TBCK: variants seen among roughly 807,000 people sequenced by gnomAD.
The protein encoded by TBCK is TBC domain-containing protein kinase-like protein.
A neutral mutation model predicts 113.4 loss-of-function variants in TBCK; 99 were observed. That is an observed-to-expected ratio of 0.87 (90% CI 0.74 to 1.03). The LOEUF (loss-of-function observed/expected upper bound fraction) is 1.03. TBCK is among the 50% of genes least tolerant of loss of function. TBCK has a pLI of 0.00. For missense variants in TBCK, 1,045 were observed against 1,061.3 expected, an observed-to-expected ratio of 0.98 and a Z score of 0.21; for synonymous variants, 369 against 370.8, an observed-to-expected ratio of 1.00 and a Z score of 0.05.
At chr4:106,300,631 G>A (rs1408551213) in intron 2 of TBCK, among the ~76,000 whole-genome samples, 1 of 152,208 alleles carries the variant, frequency 6.6e-6, no homozygotes, top group Non-Finnish European at 1.5e-5. Flanking sequence ...GTGATGGTCA[G>A]TTTTATGAGT....
intron 25 of TBCK, among the ~76,000 whole-genome samples, chr4:106,055,685 TG>T (rs1420546265): frequency 6.6e-6 from 1 of 151,644 alleles, no homozygotes; most frequent in African/African-American, 2.4e-5. Flanking sequence ...ACTAATCACT[TG>T]CACTTATGCA....
At chr4:106,153,419 ATAT>A (rs1218947043) in intron 23 of TBCK, among the ~76,000 whole-genome samples, 2 of 151,986 alleles carry the variant, frequency 1.3e-5, no homozygotes, top group Non-Finnish European at 2.9e-5. Context: ...AACATGCTTG[ATAT>A]TATTTCGATT....
rs1456425612 is a variant in TBCK at position 106,242,451 on chromosome 4, G to C, written c.1170+19C>G. The C allele has an allele frequency of 1.3e-6, 2 of 1,570,128 alleles. No individual in the cohort carries two copies. The highest frequency in any genetic ancestry group is 1.7e-6 in the Non-Finnish European group (2 of 1,155,776). ...AAAGAAAAAAACCTAAAGCAGAACT[G>C]TCAAAATATCTTTCTTACATTTCTT... is the stretch of plus-strand genomic sequence containing the variant. On this transcript the variant is annotated intron_variant, in intron 12 of 25. Transcript: ENST00000394708.
At chr4:106,264,688 C>G (rs1197497824) in intron 3 of TBCK, among the ~76,000 whole-genome samples, 4 of 151,918 alleles carry the variant, frequency 2.6e-5, no homozygotes, top group Admixed American at 6.6e-5. Context: ...TCTCAGTCAT[C>G]AAGATTTAAC....
At chr4:106,260,356 A>G (rs1396479327) in intron 5 of TBCK, 81 bp downstream of exon 5, 4 of 548,890 alleles carry the variant, frequency 7.3e-6, no homozygotes, top group African/African-American at 5.9e-5. Context: ...AGGAATATCA[A>G]ATATAATTAA....
intron 24 of TBCK, 58 bp from the exon 25 acceptor site, chr4:106,095,699 G>C (rs1740821998): frequency 6.7e-7 from 1 of 1,500,078 alleles, no homozygotes; most frequent in Non-Finnish European, 9.1e-7. Context: ...GTGTCTGAGG[G>C]AAACTCACAG....
rs567692244 is a variant in TBCK, at chr4:106,138,125, C to T, written c.2236-21747G>A. Among the ~76,000 whole-genome samples the T allele has an allele frequency of 1.1e-4, 15 of 140,968 alleles. 2 individuals are homozygous for T. The South Asian group carries it at 3.6e-3, about 34-fold the overall frequency. The allele number at this position is 140,968 out of a possible 152,430, so 92.5% of individuals were successfully genotyped here. On this transcript the variant is annotated intron_variant, in intron 23 of 25. Coordinates refer to ENST00000394708, the MANE Select transcript of TBCK (RefSeq NM_001163435.3). ...TTTTTTAATATGGAAAACCAAATGT[C>T]GCAGAACCATTACTGAATATCAATT... is the stretch of plus-strand genomic sequence containing the variant.
chr4:106,214,480 G>C (rs1756607448), intron 19 of TBCK, among the ~76,000 whole-genome samples: 2 of 150,598 alleles, frequency 1.3e-5, no homozygotes, highest in Admixed American at 1.3e-4. Flanking sequence ...AAATTTAGAA[G>C]AATGTATAAC....
In TBCK at chr4:106,046,591, G is replaced by A; in HGVS notation, c.2661C>T (p.Thr887=). ...INKIKPTGLL[T]IPSPQI is the part of the protein sequence containing the mutation. ...TTCTTCATATTTGAGGAGATGGGAT[G>A]GTGAGGAGGCCTGTTGGCTTTATTT... is the stretch of plus-strand genomic sequence containing the variant. The change falls in exon 26 of 26, where the codon ACC becomes ACT. Residue 887 remains threonine (T), a synonymous_variant. Coordinates refer to ENST00000394708, the MANE Select transcript of TBCK (RefSeq NM_001163435.3). 6.2e-7 allele frequency: 1 copy of A among 1,604,466 alleles called. No individual in the cohort carries two copies. Among genetic ancestry groups the A allele is most frequent in the Non-Finnish European group, 8.5e-7 (1 of 1,171,486 alleles).
intron 22 of TBCK, among the ~76,000 whole-genome samples, chr4:106,190,858 A>C (rs1753584674): frequency 6.6e-6 from 1 of 151,976 alleles, no homozygotes; most frequent in Non-Finnish European, 1.5e-5. Flanking sequence ...CTCCTGCCTC[A>C]GCCTCCCAAC....
chr4:106,120,413 T>C (rs1744170259), intron 23 of TBCK, among the ~76,000 whole-genome samples: 1 of 152,136 alleles, frequency 6.6e-6, no homozygotes, highest in African/African-American at 2.4e-5. Context: ...TTGCCCAGGC[T>C]TGCTTAGGTA....
Position 106,256,590 on chromosome 4 carries a change from C to T in TBCK, c.455+3847G>A, listed in dbSNP as rs72660508. 2.5e-3 allele frequency among the ~76,000 whole-genome samples: 382 copies of T among 152,300 alleles called. 1 individual carries two copies. The highest frequency in any genetic ancestry group is 4.7e-3 in the Non-Finnish European group (323 of 68,002). ...TACAGCTGCACCTGGGAGAGCAGGG[C>T]TCCTGCCTGCTTCCGGCCCCCAAGA... On this transcript the variant is annotated intron_variant, in intron 5 of 25. Coordinates refer to ENST00000394708, the MANE Select transcript of TBCK (RefSeq NM_001163435.3).
At chr4:106,238,481 G>T (rs989368293) in intron 12 of TBCK, 2 of 152,052 alleles carry the variant, frequency 1.3e-5, no homozygotes, top group African/African-American at 4.8e-5. Context: ...ACCATAATGG[G>T]ATAAGGGTTT....
chr4:106,234,165 C>T (rs1393186455), intron 15 of TBCK, among the ~76,000 whole-genome samples: 1 of 151,950 alleles, frequency 6.6e-6, no homozygotes, highest in African/African-American at 2.4e-5. Flanking sequence ...AGAGAAAGAG[C>T]CAGGAAGTAG....
chr4:106,306,626 A>T (rs1446652079), intron 2 of TBCK, among the ~76,000 whole-genome samples: 1 of 152,156 alleles, frequency 6.6e-6, no homozygotes, highest in East Asian at 1.9e-4. Context: ...CCAAGGTATT[A>T]TAACCCCAGT....
At position 106,045,719 on chromosome 4, in the gene TBCK, C is replaced by T. The variant is rs961380883; in HGVS notation, c.*851G>A. On this transcript the variant is annotated 3_prime_UTR_variant, in exon 26 of 26. Transcript: ENST00000394708. Reference sequence around the variant, plus strand: ...GTTCCTTCTTTTCTCTTCATCCCCTCCCTCCTTCCCTCATTCTCTTCCTTC... The same window carrying T: ...GTTCCTTCTTTTCTCTTCATCCCCTTCCTCCTTCCCTCATTCTCTTCCTTC... 3 of 152,270 alleles carry T rather than the reference C, an allele frequency of 2.0e-5. No individual in the cohort carries two copies. The highest frequency in any genetic ancestry group is 2.1e-4 in the South Asian group (1 of 4,822). The allele number at this position is 152,270 out of a possible 1,614,324, so 9.4% of individuals were successfully genotyped here. A position where few individuals can be genotyped will look rare whatever the true frequency, so the allele number is the denominator to read the frequency against.
intron 3 of TBCK, among the ~76,000 whole-genome samples, chr4:106,277,334 G>A (rs1764142331): frequency 6.6e-6 from 1 of 151,964 alleles, no homozygotes; most frequent in African/African-American, 2.4e-5. Context: ...CAACAATTCT[G>A]CTCAAAGTAT....
In TBCK at chr4:106,204,501, T is replaced by G. The variant is rs554808386; in HGVS notation, c.1860+8249A>C. Among the ~76,000 whole-genome samples the G allele has an allele frequency of 3.9e-5, 6 of 152,320 alleles. No individual in the cohort carries two copies. In the South Asian group the frequency reaches 1.0e-3, roughly 26 times the overall value. On this transcript the variant is annotated intron_variant, in intron 20 of 25. Coordinates refer to ENST00000394708, the MANE Select transcript of TBCK (RefSeq NM_001163435.3). ...CAAAGCCACTGGTGGATAAAACTGC[T>G]GGCATGTTAGCACAATTTAAGGCAC... is the stretch of plus-strand genomic sequence containing the variant.
chr4:106,132,104 A>T (rs1746014006), intron 23 of TBCK, among the ~76,000 whole-genome samples: 1 of 152,222 alleles, frequency 6.6e-6, no homozygotes, highest in Non-Finnish European at 1.5e-5. Flanking sequence ...GAAGAAATTC[A>T]AGCCAGCTGC....
Sources: gnomAD v4.1 joint callset for allele counts (sites outside exome capture counted in the v4.1 genomes callset) on GRCh38, gnomAD v4.1.1 for gene constraint, MANE v1.5 for transcripts, NCBI Gene and HGNC (gene_info 2026-07-23, HGNC 2026-07-21) for gene names.